The following LRRC53 variants were observed in gnomAD, a reference collection of about 807,000 sequenced individuals.
The protein encoded by LRRC53 is leucine-rich repeat-containing protein 53.
LRRC53 carries 25 observed loss-of-function variants against 13.6 expected under a neutral mutation model. That is an observed-to-expected ratio of 1.83 (90% CI 1.34 to 2.56). The LOEUF (loss-of-function observed/expected upper bound fraction) is 2.56. Among genes scored for constraint, LRRC53 ranks in the 30% most tolerant of loss-of-function variants. The pLI is 0.00. For synonymous variants in LRRC53, 204 were observed against 109.8 expected (o/e 1.86, Z -5.37); for missense variants, 527 against 275.8 (o/e 1.91, Z -6.45).
intron 1 of LRRC53, 69 bp from the exon 2 acceptor site, chr1:74,483,444 C>G: frequency 1.5e-6 from 1 of 669,758 alleles, no homozygotes; most frequent in South Asian, 1.6e-5. Context: ...TCTGTACATA[C>G]AGGTCATGAG....
the LRRC53 span, among the ~76,000 whole-genome samples, chr1:74,524,797 C>A: frequency 0.046 from 6,916 of 151,574 alleles, 493 homozygotes; most frequent in African/African-American, 0.16. Flanking sequence ...AAGGGGCTGC[C>A]TCATGAAGGG....
chr1:74,488,867 G>A (rs193252882), intron 1 of LRRC53, among the ~76,000 whole-genome samples: 24 of 152,230 alleles, frequency 1.6e-4, no homozygotes, highest in Admixed American at 1.2e-3. Flanking sequence ...ATAGTTTTTA[G>A]TATTCACTAT....
the LRRC53 span, among the ~76,000 whole-genome samples, chr1:74,534,302 C>T: frequency 6.6e-6 from 1 of 152,132 alleles, no homozygotes; most frequent in Admixed American, 6.6e-5. Context: ...AAAAGCCACG[C>T]TCAGAAGAAT....
At chr1:74,524,068 G>A in the LRRC53 span, among the ~76,000 whole-genome samples, 87 of 152,308 alleles carry the variant, frequency 5.7e-4, no homozygotes, top group African/African-American at 1.8e-3. Flanking sequence ...TTTTTGCAAA[G>A]CATTGACATT....
intron 1 of LRRC53, among the ~76,000 whole-genome samples, chr1:74,499,224 G>C (rs906616974): frequency 6.6e-6 from 1 of 152,128 alleles, no homozygotes; most frequent in Non-Finnish European, 1.5e-5. Flanking sequence ...ACTTTACCTA[G>C]AATTTTTCCT....
chr1:74,486,085 T>A (rs1401379050), intron 1 of LRRC53, among the ~76,000 whole-genome samples: 3 of 152,078 alleles, frequency 2.0e-5, no homozygotes, highest in Non-Finnish European at 4.4e-5. Context: ...AAACAATAAC[T>A]AATACACTCC....
At chr1:74,479,184 T>C (rs1036055711) in intron 3 of LRRC53, among the ~76,000 whole-genome samples, 1 of 152,124 alleles carries the variant, frequency 6.6e-6, no homozygotes, top group African/African-American at 2.4e-5. Context: ...ATCACCATGG[T>C]TACCCACAGG....
At position 74,480,647 on chromosome 1, in the gene LRRC53, T is replaced by C. The variant is rs1412249031; in HGVS notation, c.410A>G (p.Gln137Arg). Residue 137 changes from glutamine (Q) to arginine (R), a missense_variant, in exon 3 of 5, where the codon CAG (glutamine) becomes CGG (arginine). Transcript: ENST00000294635. ...FRNTSGLTRL[Q>R]LDGNQITNLT... is the part of the protein sequence containing the mutation. ...ATTAGTAATCTGATTCCCATCCAGC[T>C]GGAGCCGGGTCAGGCCGCTTGTGTT... 2 of 717,136 alleles carry C rather than the reference T, an allele frequency of 2.8e-6. No homozygotes were observed. The highest frequency in any genetic ancestry group is 4.0e-5 in the Admixed American group (2 of 50,006). The allele number at this position is 717,136 out of a possible 1,614,324, so 44.4% of individuals were successfully genotyped here.
chr1:74,493,551 A>T (rs1021376656), intron 1 of LRRC53, among the ~76,000 whole-genome samples: 1 of 152,206 alleles, frequency 6.6e-6, no homozygotes, highest in African/African-American at 2.4e-5. Flanking sequence ...TATCTGTCAT[A>T]TAATGCTATA....
chr1:74,531,839 A>G, the LRRC53 span, among the ~76,000 whole-genome samples: 8 of 152,220 alleles, frequency 5.3e-5, no homozygotes, highest in Non-Finnish European at 1.2e-4. Flanking sequence ...TTGTGCTAAT[A>G]TTATCACATA....
intron 1 of LRRC53, among the ~76,000 whole-genome samples, chr1:74,500,650 A>G (rs1267749878): frequency 7.3e-6 from 1 of 136,650 alleles, no homozygotes; most frequent in South Asian, 2.2e-4. Flanking sequence ...AAAAAAAAAA[A>G]AAAAAAAAAT....
chr1:74,511,280 C>T (rs1670207784), intron 1 of LRRC53, among the ~76,000 whole-genome samples: 1 of 151,896 alleles, frequency 6.6e-6, no homozygotes, highest in Admixed American at 6.6e-5. Flanking sequence ...ACAACCTCTG[C>T]CTCCCGGGTT....
chr1:74,514,561 A>T (rs1646321295), upstream of LRRC53, among the ~76,000 whole-genome samples: 1 of 152,156 alleles, frequency 6.6e-6, no homozygotes, highest in Non-Finnish European at 1.5e-5. Context: ...AATATCCCCA[A>T]TTATTTGCTA....
At chr1:74,487,829 G>A (rs1398002242) in intron 1 of LRRC53, among the ~76,000 whole-genome samples, 3 of 152,124 alleles carry the variant, frequency 2.0e-5, no homozygotes, top group Non-Finnish European at 1.5e-5. Flanking sequence ...GTACCAGTGT[G>A]ATCAAAGCTT....
chr1:74,492,393 T>G lies in LRRC53; in HGVS notation c.-26-9018A>C, dbSNP rs1174506671. The G allele has an allele frequency of 2.4e-6, 3 of 1,235,710 alleles. No homozygotes were observed. In the African/African-American group the frequency reaches 4.6e-5, roughly 19 times the overall value. 76.5% of individuals were successfully genotyped at this position (1,235,710 alleles called of 1,614,324 possible). A position where few individuals can be genotyped will look rare whatever the true frequency, so the allele number is the denominator to read the frequency against. The stretch of plus-strand genomic sequence containing the variant: ...CTGAAAAACTTTGAAAGAGGAGTTT[T>G]CAGCCCATTTTTCTTACGTTATGAC... On this transcript the variant is annotated intron_variant, in intron 1 of 4. Coordinates refer to ENST00000294635, the MANE Select transcript of LRRC53 (RefSeq NM_001382280.1).
intron 1 of LRRC53, among the ~76,000 whole-genome samples, chr1:74,487,080 G>T (rs1668805097): frequency 6.6e-6 from 1 of 152,168 alleles, no homozygotes; most frequent in South Asian, 2.1e-4. Context: ...AAAGTAAACA[G>T]CAATGGAACA....
At chr1:74,495,853 C>T (rs975956933) in intron 1 of LRRC53, among the ~76,000 whole-genome samples, 4 of 152,244 alleles carry the variant, frequency 2.6e-5, no homozygotes, top group South Asian at 2.1e-4. Flanking sequence ...TGAATAACTT[C>T]GACTATTTCT....
rs1557586709 is a variant in LRRC53 at position 74,470,483 on chromosome 1, C to T, written c.3139G>A (p.Ala1047Thr). ...CTACTATTGGTTAGGTGCCAAACGG[C>T]TTGACTACTAACAGGAGAAGTACTG... ...DISTSPVSSQAVWHLTNSSEK... is the reference protein window; with the variant it reads ...DISTSPVSSQTVWHLTNSSEK... The change falls in exon 5 of 5, where the codon GCC becomes ACC. Residue 1047 changes from alanine to threonine, a missense_variant. Transcript: ENST00000294635. 1 of 400,518 alleles carries T rather than the reference C, an allele frequency of 2.5e-6. No homozygotes were observed. The highest frequency in any genetic ancestry group is 4.4e-6 in the Non-Finnish European group (1 of 226,190). The allele number at this position is 400,518 out of a possible 1,614,324, so 24.8% of individuals were successfully genotyped here. A position where few individuals can be genotyped will look rare whatever the true frequency, so the allele number is the denominator to read the frequency against.
intron 1 of LRRC53, among the ~76,000 whole-genome samples, chr1:74,486,966 G>T (rs1668800552): frequency 6.6e-6 from 1 of 152,148 alleles, no homozygotes; most frequent in Non-Finnish European, 1.5e-5. Context: ...GACAAGGGCA[G>T]TTTCAGCAGT....
Sources: allele counts gnomAD v4.1 joint callset (sites outside exome capture counted in the v4.1 genomes callset), GRCh38; gene constraint gnomAD v4.1.1; transcripts MANE v1.5; gene names NCBI Gene and HGNC (gene_info 2026-07-23, HGNC 2026-07-21).